Variants in CACHD1 observed in about 807,000 individuals in gnomAD.
CACHD1 encodes cache domain containing 1, also known as VWFA and cache domain-containing protein 1.
In CACHD1, 71 loss-of-function variants were observed where a neutral mutation model predicts 138.7. That is an observed-to-expected ratio of 0.51 (90% CI 0.42 to 0.62). CACHD1 has a LOEUF of 0.62. CACHD1 is among the 20% of genes least tolerant of loss of function. The pLI is 0.00. For synonymous variants in CACHD1, 578 were observed against 591.5 expected, an observed-to-expected ratio of 0.98 and a Z score of 0.33; for missense variants, 1,389 against 1,625.3, an observed-to-expected ratio of 0.85 and a Z score of 2.50.
intron 1 of CACHD1, among the ~76,000 whole-genome samples, chr1:64,519,131 C>G (rs936600167): frequency 6.6e-6 from 1 of 152,088 alleles, no homozygotes; most frequent in African/African-American, 2.4e-5. Flanking sequence ...TGTTTTTAAT[C>G]TCATTAACCC....
At chr1:64,581,771 T>C (rs1441211055) in intron 2 of CACHD1, among the ~76,000 whole-genome samples, 1 of 152,218 alleles carries the variant, frequency 6.6e-6, no homozygotes, top group East Asian at 1.9e-4. Flanking sequence ...TAACAGATAA[T>C]GTCTCTCCTC....
At chr1:64,582,837 G>A (rs1647023269) in intron 3 of CACHD1, among the ~76,000 whole-genome samples, 1 of 152,126 alleles carries the variant, frequency 6.6e-6, no homozygotes, top group Non-Finnish European at 1.5e-5. Flanking sequence ...ATAGGGCTAT[G>A]GGATGCTGGA....
At position 64,594,937 on chromosome 1, in the gene CACHD1, T is replaced by C. The variant is rs184110502; in HGVS notation, c.411-7869T>C. Among the ~76,000 whole-genome samples the C allele has an allele frequency of 8.6e-4, 131 of 152,376 alleles. 2 individuals are homozygous for C. The highest frequency in any genetic ancestry group is 8.8e-5 in the Non-Finnish European group (6 of 68,042). ...ACTTGACTTATCTGGTACGATGATGTAGATATCTGTCTTTACACTCTAGCT... is the reference window on the plus strand; with the variant it reads ...ACTTGACTTATCTGGTACGATGATGCAGATATCTGTCTTTACACTCTAGCT... On this transcript the variant is annotated intron_variant, in intron 3 of 26. Coordinates refer to ENST00000651257, the MANE Select transcript of CACHD1 (RefSeq NM_020925.4).
intron 22 of CACHD1, among the ~76,000 whole-genome samples, 156 bp downstream of exon 22, chr1:64,677,167 A>G (rs1650019886): frequency 6.6e-6 from 1 of 152,062 alleles, no homozygotes; most frequent in Non-Finnish European, 1.5e-5. Context: ...CCCACTTATT[A>G]CCCGTATTTA....
chr1:64,555,581 C>T (rs12067230), intron 2 of CACHD1, among the ~76,000 whole-genome samples: 71 of 152,160 alleles, frequency 4.7e-4, no homozygotes, highest in African/African-American at 1.5e-3. Flanking sequence ...CCACCATGCC[C>T]GGGTAATTTT....
intron 22 of CACHD1, among the ~76,000 whole-genome samples, chr1:64,677,857 G>T (rs948335117): frequency 6.6e-6 from 1 of 152,000 alleles, no homozygotes; most frequent in African/African-American, 2.4e-5. Flanking sequence ...CAAACATTGG[G>T]GTCATTTCTG....
At chr1:64,675,844 A>T (rs974532239) in intron 20 of CACHD1, 53 bp from the exon 21 acceptor site, 2 of 1,186,636 alleles carry the variant, frequency 1.7e-6, no homozygotes, top group African/African-American at 3.1e-5. Flanking sequence ...CACATGTACA[A>T]CTTACAGTTT....
intron 1 of CACHD1, among the ~76,000 whole-genome samples, chr1:64,535,732 CT>C (rs1445303647): frequency 1.3e-5 from 2 of 152,126 alleles, no homozygotes; most frequent in Admixed American, 1.3e-4. Context: ...TAGTAAAGGA[CT>C]TTTAAAGCAA....
At chr1:64,549,200 AG>A (rs1646740668) in intron 1 of CACHD1, among the ~76,000 whole-genome samples, 1 of 152,210 alleles carries the variant, frequency 6.6e-6, no homozygotes, top group South Asian at 2.1e-4. Context: ...CCTATCACAA[AG>A]GTGTTTTGTG....
At chr1:64,590,918 C>T (rs555402497) in intron 3 of CACHD1, among the ~76,000 whole-genome samples, 1 of 152,292 alleles carries the variant, frequency 6.6e-6, no homozygotes, top group African/African-American at 2.4e-5. Flanking sequence ...CATCTTTGGT[C>T]CTCAGTTTCC....
intron 1 of CACHD1, among the ~76,000 whole-genome samples, chr1:64,545,927 G>A (rs1254863007): frequency 2.0e-5 from 3 of 152,172 alleles, no homozygotes; most frequent in Non-Finnish European, 4.4e-5. Flanking sequence ...AAGATTCTGT[G>A]AAATGTTTCT....
chr1:64,666,023 A>T, intron 15 of CACHD1, 34 bp from the exon 16 acceptor site: 1 of 1,284,168 alleles, frequency 7.8e-7, no homozygotes, highest in Admixed American at 2.0e-5. Flanking sequence ...TAAATAAAAA[A>T]TAAAATAACA....
In CACHD1 at chr1:64,625,352, C is replaced by T. The variant is rs536191971; in HGVS notation, c.518-4003C>T. Among the ~76,000 whole-genome samples the T allele has an allele frequency of 4.3e-4, 66 of 152,152 alleles. 2 individuals carry two copies. In the South Asian group the frequency reaches 0.013, roughly 30 times the overall value. ...TGAGAAATTACCTAGTGGGGATGGG[C>T]GTGGTGGTTCACACCTGTAATCCCA... On this transcript the variant is annotated intron_variant, in intron 4 of 26. Coordinates refer to ENST00000651257, the MANE Select transcript of CACHD1 (RefSeq NM_020925.4).
chr1:64,681,897 C>T, intron 25 of CACHD1, 108 bp from the exon 26 acceptor site: 5 of 955,934 alleles, frequency 5.2e-6, no homozygotes, highest in Non-Finnish European at 8.2e-6. Flanking sequence ...TCTGGCTTTC[C>T]AAAGAGAATT....
At chr1:64,620,268 T>C (rs1366837626) in intron 4 of CACHD1, among the ~76,000 whole-genome samples, 1 of 152,204 alleles carries the variant, frequency 6.6e-6, no homozygotes, top group Admixed American at 6.5e-5. Flanking sequence ...AATATCTATA[T>C]ATCTTCCCTC....
At chr1:64,508,357 G>T (rs906259861) in intron 1 of CACHD1, among the ~76,000 whole-genome samples, 1 of 152,168 alleles carries the variant, frequency 6.6e-6, no homozygotes, top group African/African-American at 2.4e-5. Context: ...AGGTATTCTT[G>T]TATTAAGTGT....
chr1:64,486,944 T>C (rs1646246743), intron 1 of CACHD1, among the ~76,000 whole-genome samples: 1 of 152,050 alleles, frequency 6.6e-6, no homozygotes, highest in Non-Finnish European at 1.5e-5. Flanking sequence ...GGTGCTGATA[T>C]TTGAGTGGAG....
intron 1 of CACHD1, among the ~76,000 whole-genome samples, chr1:64,497,267 C>T (rs1646311526): frequency 6.6e-6 from 1 of 152,152 alleles, no homozygotes; most frequent in Non-Finnish European, 1.5e-5. Flanking sequence ...ACTCGGCTAA[C>T]ATTTTTTCAG....
At chr1:64,547,791 A>G (rs1234111083) in intron 1 of CACHD1, among the ~76,000 whole-genome samples, 1 of 151,182 alleles carries the variant, frequency 6.6e-6, no homozygotes, top group Admixed American at 6.6e-5. Flanking sequence ...TCCATCCCAC[A>G]CCCCAACTAC....
Sources: allele counts gnomAD v4.1 joint callset (sites outside exome capture counted in the v4.1 genomes callset), GRCh38; gene constraint gnomAD v4.1.1; transcripts MANE v1.5; gene names NCBI Gene and HGNC (gene_info 2026-07-23, HGNC 2026-07-21).